CHRNA4: variants seen among roughly 807,000 people sequenced by gnomAD.
CHRNA4 encodes neuronal acetylcholine receptor subunit alpha-4.
Under a neutral mutation model 48.9 loss-of-function variants are expected in CHRNA4, and 28 were observed. That is an observed-to-expected ratio of 0.57 (90% CI 0.42 to 0.79). The LOEUF is 0.79. Ranked by LOEUF, CHRNA4 falls within the 30% of genes least tolerant of loss-of-function variation. CHRNA4 has a pLI of 0.00. For missense variants in CHRNA4, 859 were observed against 898.4 expected, an observed-to-expected ratio of 0.96 and a Z score of 0.56; for synonymous variants, 425 against 402.3, an observed-to-expected ratio of 1.06 and a Z score of -0.68.
At chr20:63,358,476 C>T (rs1028943791) in intron 2 of CHRNA4, among the ~76,000 whole-genome samples, 1 of 152,246 alleles carries the variant, frequency 6.6e-6, no homozygotes, top group Non-Finnish European at 1.5e-5. Context: ...GCTTGGCATC[C>T]TGGCAAGGTG....
chr20:63,346,936 G>A (rs953056734), intron 5 of CHRNA4, 73 bp from the exon 6 acceptor site: 40 of 1,602,402 alleles, frequency 2.5e-5, no homozygotes, highest in African/African-American at 5.3e-5. Flanking sequence ...GGACCCCGGC[G>A]CCGCCGGCAA....
In CHRNA4 at chr20:63,344,598, G is replaced by C; in HGVS notation, c.*2140C>G. On this transcript the variant is annotated 3_prime_UTR_variant, in exon 6 of 6. Coordinates refer to ENST00000370263, the MANE Select transcript of CHRNA4 (RefSeq NM_000744.7). This position sits in a 1 kb window ranked among gnomAD's most constrained non-coding sequence, Gnocchi z 4.5. ...TCCCAGCCACTCCGCAGTCACTCCT[G>C]ACCCAGAAAAGAACAACCACAGCTG... 2.2e-6 allele frequency: 1 copy of C among 453,512 alleles called. No homozygotes were observed. The highest frequency in any genetic ancestry group is 1.6e-5 in the South Asian group (1 of 64,430). 28.1% of individuals were successfully genotyped at this position (453,512 alleles called of 1,614,324 possible).
intron 5 of CHRNA4, among the ~76,000 whole-genome samples, chr20:63,347,527 T>TC (rs1449115128): frequency 6.6e-6 from 1 of 151,982 alleles, no homozygotes; most frequent in Non-Finnish European, 1.5e-5. Flanking sequence ...AGGGCGGACC[T>TC]CCCCCGGGTG....
chr20:63,351,329 C>T (rs183822966), intron 4 of CHRNA4, among the ~76,000 whole-genome samples: 11 of 152,346 alleles, frequency 7.2e-5, no homozygotes, highest in Non-Finnish European at 1.5e-4. Context: ...GTACACTGTT[C>T]GTCTTCTCAC....
Position 63,346,804 on chromosome 20 carries a change from G to A in CHRNA4, c.1818C>T (p.Phe606=), listed in dbSNP as rs2068503378. The A allele has an allele frequency of 6.2e-7, 1 of 1,612,674 alleles. No individual in the cohort carries two copies. Among genetic ancestry groups the A allele is most frequent in the Non-Finnish European group, 8.5e-7 (1 of 1,179,706 alleles). Residue 606 remains phenylalanine (F), a synonymous_variant, in exon 6 of 6, where the codon TTC becomes TTT. Coordinates refer to ENST00000370263, the MANE Select transcript of CHRNA4 (RefSeq NM_000744.7). ...MVIDRIFLWM[F]IIVCLLGTVG... ...CCGTCCCCAGCAGGCAGACGATGATGAACATCCAGAGGAAGATGCGGTCGA... is the reference window on the plus strand; with the variant it reads ...CCGTCCCCAGCAGGCAGACGATGATAAACATCCAGAGGAAGATGCGGTCGA...
chr20:63,352,312 C>A (rs2145392062), intron 4 of CHRNA4, among the ~76,000 whole-genome samples: 1 of 152,322 alleles, frequency 6.6e-6, no homozygotes, highest in South Asian at 2.1e-4. Flanking sequence ...CAGGGACCCT[C>A]CCTTTGTGGA....
chr20:63,344,130 A>G lies in CHRNA4; in HGVS notation c.*2608T>C. 2.2e-6 allele frequency: 1 copy of G among 454,130 alleles called. No individual in the cohort carries two copies. The highest frequency in any genetic ancestry group is 4.4e-6 in the Non-Finnish European group (1 of 226,772). The allele number at this position is 454,130 out of a possible 1,614,324, so 28.1% of individuals were successfully genotyped here. ...GAACACTGCTCACAATTAAAAACGA[A>G]GGAACAGACAGCAAGGAGCTACGGA... On this transcript the variant is annotated 3_prime_UTR_variant, in exon 6 of 6. Coordinates refer to ENST00000370263, the MANE Select transcript of CHRNA4 (RefSeq NM_000744.7). The surrounding 1 kb of genome is among the most constrained non-coding windows in gnomAD (Gnocchi z 4.5).
At position 63,346,843 on chromosome 20, in the gene CHRNA4, G is replaced by T; in HGVS notation, c.1779C>A (p.Tyr593Ter). The T allele has an allele frequency of 2.5e-6, 4 of 1,612,580 alleles. No individual in the cohort carries two copies. Among genetic ancestry groups the T allele is most frequent in the Non-Finnish European group, 3.4e-6 (4 of 1,179,636 alleles). ...TDFSVKEDWK[Y>*]VAMVIDRIFL... Reference sequence around the variant, plus strand: ...AGATGCGGTCGATGACCATGGCCACGTACTTCCAGTCCTCCTTCACCTGCA... The same window carrying T: ...AGATGCGGTCGATGACCATGGCCACTTACTTCCAGTCCTCCTTCACCTGCA... The change falls in exon 6 of 6, where the codon TAC (tyrosine) becomes TAA (stop). Residue 593 changes from tyrosine to a stop codon, truncating the protein, a stop_gained. Coordinates refer to ENST00000370263, the MANE Select transcript of CHRNA4 (RefSeq NM_000744.7). LOFTEE classifies it high-confidence loss of function.
Position 63,343,640 on chromosome 20 carries a change from G to T in CHRNA4, c.*3098C>A. 1 of 439,880 alleles carries T rather than the reference G, an allele frequency of 2.3e-6. No individual in the cohort carries two copies. Among genetic ancestry groups the T allele is most frequent in the Non-Finnish European group, 4.6e-6 (1 of 218,104 alleles). The allele number at this position is 439,880 out of a possible 1,614,324, so 27.2% of individuals were successfully genotyped here. A position where few individuals can be genotyped will look rare whatever the true frequency, so the allele number is the denominator to read the frequency against. ...CACGTCGCCCCAGGCCGGGCCACAC[G>T]GGAAGCACCCAGGCCGGTCCGGAGG... On this transcript the variant is annotated 3_prime_UTR_variant, in exon 6 of 6. Coordinates refer to ENST00000370263, the MANE Select transcript of CHRNA4 (RefSeq NM_000744.7).
At chr20:63,352,163 C>T (rs948134197) in intron 4 of CHRNA4, among the ~76,000 whole-genome samples, 1 of 124,556 alleles carries the variant, frequency 8.0e-6, no homozygotes, top group African/African-American at 3.2e-5. Flanking sequence ...CCTCCTCTGC[C>T]TCATTCCCTG....
chr20:63,347,423 G>A (rs571634522), intron 5 of CHRNA4, among the ~76,000 whole-genome samples: 32 of 152,352 alleles, frequency 2.1e-4, no homozygotes, highest in African/African-American at 7.7e-4. Flanking sequence ...TCACACTGAG[G>A]CCTTCAGGGG....
At chr20:63,356,992 C>CGACCACATCGCCATAG (rs6147409) in intron 2 of CHRNA4, among the ~76,000 whole-genome samples, 22,742 of 143,770 alleles carry the variant, frequency 0.16, 2,012 homozygotes, top group South Asian at 0.3. Context: ...ACGTCCCCAC[C>CGACCACATCGCCATAG]GACCACATCT....
At chr20:63,347,834 C>G (rs990974270) in intron 5 of CHRNA4, among the ~76,000 whole-genome samples, 1 of 152,174 alleles carries the variant, frequency 6.6e-6, no homozygotes, top group African/African-American at 2.4e-5. Flanking sequence ...ACTGTGGGGA[C>G]AGTGCCGCCT....
Position 63,343,309 on chromosome 20 carries a change from G to A in CHRNA4, c.*3429C>T, listed in dbSNP as rs2068434376. The A allele has an allele frequency of 4.5e-6, 2 of 446,736 alleles. No homozygotes were observed. The highest frequency in any genetic ancestry group is 2.0e-5 in the African/African-American group (1 of 49,946). The allele number at this position is 446,736 out of a possible 1,614,324, so 27.7% of individuals were successfully genotyped here. A position where few individuals can be genotyped will look rare whatever the true frequency, so the allele number is the denominator to read the frequency against. On this transcript the variant is annotated 3_prime_UTR_variant, in exon 6 of 6. Transcript: ENST00000370263. ...TGGCAGACATTGCCTGCAGAAGCCGGGCGGCCGCACCTGGGCTCGGCGGGC... is the reference window on the plus strand; with the variant it reads ...TGGCAGACATTGCCTGCAGAAGCCGAGCGGCCGCACCTGGGCTCGGCGGGC...
In CHRNA4 at chr20:63,361,252, C is replaced by T; in HGVS notation, c.-87G>A. The T allele has an allele frequency of 2.8e-6, 4 of 1,408,604 alleles. No individual in the cohort carries two copies. The highest frequency in any genetic ancestry group is 3.7e-6 in the Non-Finnish European group (4 of 1,083,976). 87.3% of individuals were successfully genotyped at this position (1,408,604 alleles called of 1,614,324 possible). A position where few individuals can be genotyped will look rare whatever the true frequency, so the allele number is the denominator to read the frequency against. ...CCGTGCGCGCCCAACTTCATGCCTCCCGCGCCTCGCGGGCCGCTTCGGCCG... is the reference window on the plus strand; with the variant it reads ...CCGTGCGCGCCCAACTTCATGCCTCTCGCGCCTCGCGGGCCGCTTCGGCCG... On this transcript the variant is annotated 5_prime_UTR_variant, in exon 1 of 6. Transcript: ENST00000370263.
chr20:63,360,770 G>A (rs527949987), intron 1 of CHRNA4, among the ~76,000 whole-genome samples: 3 of 152,348 alleles, frequency 2.0e-5, no homozygotes, highest in African/African-American at 7.2e-5. Flanking sequence ...ATGGATGGGG[G>A]AAGGGCGAAG....
intron 4 of CHRNA4, chr20:63,354,676 G>A (rs1285765639): frequency 4.3e-5 from 42 of 983,144 alleles, no homozygotes; most frequent in South Asian, 9.3e-5. Context: ...GTTCCTGGGG[G>A]CTGCATTCCT....
chr20:63,348,002 C>T (rs1368104024), intron 5 of CHRNA4, among the ~76,000 whole-genome samples: 4 of 152,240 alleles, frequency 2.6e-5, no homozygotes, highest in Non-Finnish European at 2.9e-5. Flanking sequence ...CGCGGCCGCC[C>T]TCTCGCCCTT....
chr20:63,360,611 G>C (rs1044248863), intron 1 of CHRNA4, among the ~76,000 whole-genome samples: 2 of 152,140 alleles, frequency 1.3e-5, no homozygotes, highest in Admixed American at 1.3e-4. Flanking sequence ...ACACCCCTGG[G>C]AGCCTTGACT....
Sources: allele counts gnomAD v4.1 joint callset (sites outside exome capture counted in the v4.1 genomes callset), GRCh38; gene constraint gnomAD v4.1.1; non-coding constraint Gnocchi (gnomAD v3.1); transcripts MANE v1.5; gene names NCBI Gene and HGNC (gene_info 2026-07-23, HGNC 2026-07-21).